Variants in PTPRD observed in about 807,000 individuals in gnomAD.
PTPRD encodes receptor-type tyrosine-protein phosphatase delta.
In PTPRD, 34 loss-of-function variants were observed where a neutral mutation model predicts 214.5. The observed-to-expected ratio is 0.16, with a 90% confidence interval of 0.12 to 0.21. The LOEUF (loss-of-function observed/expected upper bound fraction) is 0.21, where lower values mean the gene tolerates loss of function less well. PTPRD is among the 10% of genes least tolerant of loss of function. The probability of loss-of-function intolerance (pLI) is 1.00; values close to 1 mark genes in which losing one functional copy is unlikely to be tolerated. For missense variants in PTPRD, 2,545 were observed against 2,398.7 expected (o/e 1.06, Z -1.27); for synonymous variants, 1,128 against 845.7 (o/e 1.33, Z -5.79).
At chr9:10,080,791 C>T (rs987336040) in intron 3 of PTPRD, among the ~76,000 whole-genome samples, 1 of 152,044 alleles carries the variant, frequency 6.6e-6, no homozygotes, top group African/African-American at 2.4e-5. Context: ...TGCTCTTGAC[C>T]ATTAAAAAGC....
chr9:9,724,649 G>C (rs889052014), intron 7 of PTPRD, among the ~76,000 whole-genome samples: 1 of 152,136 alleles, frequency 6.6e-6, no homozygotes, highest in African/African-American at 2.4e-5. Context: ...GAAAGCATTA[G>C]ATCAAAATGT....
At chr9:8,564,791 G>C (rs2088206671) in intron 14 of PTPRD, among the ~76,000 whole-genome samples, 1 of 152,144 alleles carries the variant, frequency 6.6e-6, no homozygotes, top group Non-Finnish European at 1.5e-5. Context: ...TTATCCAAAT[G>C]CATATGTAGG....
intron 3 of PTPRD, among the ~76,000 whole-genome samples, chr9:10,144,104 ATAAAG>A (rs574285491): frequency 7.4e-4 from 112 of 152,214 alleles, no homozygotes; most frequent in African/African-American, 2.4e-3. Context: ...AAAGAAAAAA[ATAAAG>A]TAATTTTAAA....
At chr9:9,527,074 G>A (rs1476108896) in intron 8 of PTPRD, among the ~76,000 whole-genome samples, 1 of 152,116 alleles carries the variant, frequency 6.6e-6, no homozygotes, top group Non-Finnish European at 1.5e-5. Flanking sequence ...CTTGAGAGCT[G>A]ATTTAATTTG....
chr9:10,596,741 G>A (rs184352378), intron 2 of PTPRD, among the ~76,000 whole-genome samples: 3 of 151,502 alleles, frequency 2.0e-5, no homozygotes, highest in Non-Finnish European at 4.4e-5. Context: ...AATTTACTTT[G>A]TCAGGGATAA....
chr9:10,394,807 T>C (rs2098136488), intron 2 of PTPRD, among the ~76,000 whole-genome samples: 1 of 151,922 alleles, frequency 6.6e-6, no homozygotes, highest in Admixed American at 6.6e-5. Context: ...ATATAAACTT[T>C]ACAAAATAAA....
intron 10 of PTPRD, among the ~76,000 whole-genome samples, chr9:9,131,028 A>C (rs1459129756): frequency 6.6e-6 from 1 of 152,192 alleles, no homozygotes; most frequent in Non-Finnish European, 1.5e-5. Flanking sequence ...AAAAGAATAA[A>C]AAAACAAATC....
chr9:8,654,074 G>C (rs1399663577), intron 12 of PTPRD, among the ~76,000 whole-genome samples: 4 of 152,046 alleles, frequency 2.6e-5, no homozygotes, highest in Non-Finnish European at 4.4e-5. Context: ...AACATCCCTG[G>C]CTTCTACCCA....
intron 3 of PTPRD, among the ~76,000 whole-genome samples, chr9:10,285,346 G>A (rs895031202): frequency 3.3e-5 from 5 of 152,020 alleles, no homozygotes; most frequent in East Asian, 1.9e-4. Flanking sequence ...TTTATGTTAT[G>A]AACTTTAAAA....
At chr9:9,107,319 A>AC (rs2099800031) in intron 10 of PTPRD, among the ~76,000 whole-genome samples, 1 of 152,158 alleles carries the variant, frequency 6.6e-6, no homozygotes, top group South Asian at 2.1e-4. Context: ...CAAATTTGTC[A>AC]CACTGCTGGC....
At chr9:8,929,917 G>GGA (rs781661150) in intron 11 of PTPRD, among the ~76,000 whole-genome samples, 1 of 79,102 alleles carries the variant, frequency 1.3e-5, no homozygotes, top group Non-Finnish European at 2.4e-5. Flanking sequence ...ATATGTGTGT[G>GGA]TATATATATA....
At chr9:8,515,751 A>C (rs143461511) in intron 21 of PTPRD, among the ~76,000 whole-genome samples, 2 of 152,336 alleles carry the variant, frequency 1.3e-5, no homozygotes, top group African/African-American at 2.4e-5. Context: ...CAGCCTTCAA[A>C]AGGAACCAAT....
At chr9:9,070,827 G>C (rs953073902) in intron 10 of PTPRD, among the ~76,000 whole-genome samples, 2 of 152,164 alleles carry the variant, frequency 1.3e-5, no homozygotes, top group African/African-American at 4.8e-5. Flanking sequence ...TCTAGTTTAA[G>C]TAACTAATAA....
chr9:8,987,152 G>C (rs2099348616), intron 11 of PTPRD, among the ~76,000 whole-genome samples: 1 of 151,932 alleles, frequency 6.6e-6, no homozygotes, highest in Non-Finnish European at 1.5e-5. Context: ...TTACTAAAAG[G>C]ACTATCACAG....
intron 5 of PTPRD, among the ~76,000 whole-genome samples, chr9:9,813,876 T>A (rs988753801): frequency 7.1e-6 from 1 of 140,202 alleles, no homozygotes; most frequent in East Asian, 2.0e-4. Flanking sequence ...ATTAGCAAAT[T>A]TAATTCATCA....
At chr9:10,415,837 C>T (rs1427590630) in intron 2 of PTPRD, among the ~76,000 whole-genome samples, 1 of 151,632 alleles carries the variant, frequency 6.6e-6, no homozygotes, top group Non-Finnish European at 1.5e-5. Flanking sequence ...ATCATAAGGA[C>T]ATTTTTAAAA....
intron 10 of PTPRD, among the ~76,000 whole-genome samples, chr9:9,131,792 T>C (rs1311787647): frequency 6.6e-6 from 1 of 152,212 alleles, no homozygotes; most frequent in African/African-American, 2.4e-5. Context: ...GAGAGTTCGA[T>C]AATATGGAGA....
At chr9:9,778,251 T>C (rs1236018456) in intron 5 of PTPRD, among the ~76,000 whole-genome samples, 1 of 152,082 alleles carries the variant, frequency 6.6e-6, no homozygotes, top group Non-Finnish European at 1.5e-5. Context: ...CCCGAATGGC[T>C]CCTGGGAGAG....
chr9:10,458,231 G>C (rs139434164), intron 2 of PTPRD, among the ~76,000 whole-genome samples: 510 of 152,076 alleles, frequency 3.4e-3, no homozygotes, highest in African/African-American at 0.011. Flanking sequence ...CTAAGACAAA[G>C]ATATCCCAAG....
Sources: gnomAD v4.1 joint callset for allele counts (sites outside exome capture counted in the v4.1 genomes callset) on GRCh38, gnomAD v4.1.1 for gene constraint, MANE v1.5 for transcripts, NCBI Gene and HGNC (gene_info 2026-07-23, HGNC 2026-07-21) for gene names.